Variants in ZFHX3 observed in about 807,000 individuals in gnomAD.
ZFHX3 encodes zinc finger homeobox protein 3.
Under a neutral mutation model 279.1 loss-of-function variants are expected in ZFHX3, and 42 were observed. The ratio of observed to expected loss-of-function variants is 0.15; its 90% CI spans 0.12 to 0.19. The LOEUF is 0.19. Among genes scored for constraint, ZFHX3 ranks in the 10% least tolerant of loss-of-function variants. The probability of loss-of-function intolerance (pLI) is 1.00; values close to 1 mark genes in which losing one functional copy is unlikely to be tolerated. For missense variants in ZFHX3, 4,981 were observed against 4,754.0 expected (o/e 1.05, Z -1.40); for synonymous variants, 2,293 against 1,957.8 (o/e 1.17, Z -4.52).
At chr16:73,034,579 C>T (rs748874844) in intron 1 of ZFHX3, among the ~76,000 whole-genome samples, 18 of 152,198 alleles carry the variant, frequency 1.2e-4, no homozygotes, top group Non-Finnish European at 2.4e-4. Context: ...AGCAACCCAC[C>T]ACGGAGAGGG....
chr16:73,321,358 G>A (rs559295692), intron 3 of ZFHX3, among the ~76,000 whole-genome samples: 1 of 152,238 alleles, frequency 6.6e-6, no homozygotes, highest in East Asian at 1.9e-4. Context: ...CCAGTTTTCT[G>A]ACCTGAAAAA....
chr16:72,912,665 C>G (rs2039347884), intron 3 of ZFHX3, among the ~76,000 whole-genome samples: 1 of 152,014 alleles, frequency 6.6e-6, no homozygotes, highest in African/African-American at 2.4e-5. Flanking sequence ...GAATGGGGAG[C>G]AGGGATGGGG....
intron 5 of ZFHX3, among the ~76,000 whole-genome samples, chr16:73,227,530 A>G (rs1394362645): frequency 6.6e-6 from 1 of 152,122 alleles, no homozygotes; most frequent in Non-Finnish European, 1.5e-5. Context: ...GCTGGATTAC[A>G]GAGAGGTAGG....
chr16:73,349,635 TCCCTCCCTCCCTCTCTC>T (rs2016189605), intron 3 of ZFHX3, among the ~76,000 whole-genome samples: 1 of 45,504 alleles, frequency 2.2e-5, no homozygotes. Flanking sequence ...CCTCCCTCCC[TCCCTCCCTCCCTCTCTC>T]CCTCCTTCCC....
chr16:73,692,118 A>G (rs1310359715), intron 1 of ZFHX3, among the ~76,000 whole-genome samples: 1 of 152,174 alleles, frequency 6.6e-6, no homozygotes, highest in Non-Finnish European at 1.5e-5. Context: ...ATACGTCCAC[A>G]GATTATTCGA....
chr16:73,538,369 G>A (rs893636212), intron 2 of ZFHX3, among the ~76,000 whole-genome samples: 4 of 151,956 alleles, frequency 2.6e-5, no homozygotes, highest in African/African-American at 7.3e-5. Flanking sequence ...ATAAAAAAAA[G>A]TCACCCTCTA....
chr16:73,652,093 C>A (rs2052677497), intron 2 of ZFHX3, among the ~76,000 whole-genome samples: 1 of 151,920 alleles, frequency 6.6e-6, no homozygotes, highest in Non-Finnish European at 1.5e-5. Flanking sequence ...CATACACACA[C>A]CAAGAAGATG....
Position 72,957,528 on chromosome 16 carries a change from G to T in ZFHX3, c.2618C>A (p.Pro873His), listed in dbSNP as rs751411258. The T allele has an allele frequency of 6.2e-7, 1 of 1,614,180 alleles. No homozygotes were observed. Among genetic ancestry groups the T allele is most frequent in the East Asian group, 2.2e-5 (1 of 44,868 alleles). Residue 873 changes from proline to histidine, a missense_variant, in exon 2 of 10, where the codon CCC becomes CAC. By Grantham distance (77) the Pro-to-His change is moderately conservative (BLOSUM62 -2). Around this residue, in one of 7 missense-constraint regions of ZFHX3, gnomAD observed 1,751 missense variants for 1,770.0 expected, o/e 0.99. Transcript: ENST00000268489. The part of the protein sequence containing the change: ...QYYLAQNMNL[P>H]NLKMDSAASD... ...GGCAGCACTGTCCATCTTCAGGTTG[G>T]GCAGGTTCATGTTCTGGGCCAGGTA...
chr16:72,961,924 CAAACCAAACA>C (rs1421202870), intron 1 of ZFHX3, among the ~76,000 whole-genome samples: 1 of 101,288 alleles, frequency 9.9e-6, no homozygotes, highest in South Asian at 3.0e-4. Context: ...CAAACCAAAC[CAAACCAAACA>C]GCAAACGCAA....
chr16:73,047,120 TTC>T (rs989290112), intron 1 of ZFHX3, among the ~76,000 whole-genome samples: 1 of 152,188 alleles, frequency 6.6e-6, no homozygotes, highest in African/African-American at 2.4e-5. Context: ...CCTACAATGC[TTC>T]TTTTTGTTGT....
At chr16:73,324,832 G>A (rs372451971) in intron 3 of ZFHX3, among the ~76,000 whole-genome samples, 1 of 152,170 alleles carries the variant, frequency 6.6e-6, no homozygotes, top group African/African-American at 2.4e-5. Flanking sequence ...TGGGTGTGGA[G>A]CACAGACCTG....
chr16:72,819,769 C>G (rs1567532440), intron 5 of ZFHX3, among the ~76,000 whole-genome samples: 1 of 152,220 alleles, frequency 6.6e-6, no homozygotes, highest in Non-Finnish European at 1.5e-5. Flanking sequence ...TGTTTTAAAA[C>G]ACCCTCAGGC....
intron 5 of ZFHX3, among the ~76,000 whole-genome samples, chr16:73,171,504 G>T (rs1184785840): frequency 7.4e-5 from 10 of 135,314 alleles, no homozygotes; most frequent in African/African-American, 2.7e-4. Context: ...GGGGGGGGCG[G>T]GGTGGGGGGC....
intron 5 of ZFHX3, among the ~76,000 whole-genome samples, chr16:73,221,115 C>G (rs2012405415): frequency 6.6e-6 from 1 of 152,146 alleles, no homozygotes; most frequent in East Asian, 1.9e-4. Context: ...TTGTTGTAAT[C>G]AAGTCATCAT....
intron 3 of ZFHX3, among the ~76,000 whole-genome samples, chr16:72,935,572 C>T (rs886578878): frequency 1.3e-5 from 2 of 151,992 alleles, no homozygotes; most frequent in Non-Finnish European, 2.9e-5. Flanking sequence ...GAAACCCCAT[C>T]ACTACTAAAA....
At chr16:72,824,761 T>C (rs1363768664) in intron 5 of ZFHX3, among the ~76,000 whole-genome samples, 3 of 152,234 alleles carry the variant, frequency 2.0e-5, no homozygotes, top group East Asian at 1.9e-4. Context: ...ACTTAACTTA[T>C]TGCAAATAAT....
At chr16:73,886,674 A>G (rs578021049) in intron 1 of ZFHX3, among the ~76,000 whole-genome samples, 1 of 152,368 alleles carries the variant, frequency 6.6e-6, no homozygotes, top group Admixed American at 6.5e-5. Flanking sequence ...TCGCCTCACA[A>G]CAGCGTGAGG....
At chr16:73,376,874 T>C (rs1389584000) in intron 3 of ZFHX3, among the ~76,000 whole-genome samples, 1 of 152,198 alleles carries the variant, frequency 6.6e-6, no homozygotes, top group South Asian at 2.1e-4. Flanking sequence ...AAGCTGCCAA[T>C]ATATTATGGT....
intron 1 of ZFHX3, among the ~76,000 whole-genome samples, chr16:73,712,139 G>A (rs1488704095): frequency 6.6e-6 from 1 of 152,134 alleles, no homozygotes; most frequent in Non-Finnish European, 1.5e-5. Context: ...AAAACCCCCG[G>A]TTCATCATGG....
Sources: allele counts gnomAD v4.1 joint callset (sites outside exome capture counted in the v4.1 genomes callset), GRCh38; gene constraint gnomAD v4.1.1; regional missense constraint gnomAD v4.1.1; transcripts MANE v1.5; gene names NCBI Gene and HGNC (gene_info 2026-07-23, HGNC 2026-07-21).